Variants in BMAL1 observed in about 807,000 individuals in gnomAD.
BMAL1 encodes basic helix-loop-helix ARNT like 1.
chr11:13,361,509 G>GT, the BMAL1 span, among the ~76,000 whole-genome samples: 12 of 152,178 alleles, frequency 7.9e-5, no homozygotes, highest in Admixed American at 5.9e-4. Context: ...AAGCTCTAGA[G>GT]TAGAGGGTAG....
chr11:13,277,356 G>C, the BMAL1 span, among the ~76,000 whole-genome samples: 7 of 152,306 alleles, frequency 4.6e-5, no homozygotes, highest in African/African-American at 1.7e-4. Flanking sequence ...GGGCGACCCC[G>C]AGGAGCGCGG....
At chr11:13,307,064 G>A in the BMAL1 span, among the ~76,000 whole-genome samples, 1 of 152,242 alleles carries the variant, frequency 6.6e-6, no homozygotes, top group South Asian at 2.1e-4. Flanking sequence ...TTGCAAGGGA[G>A]TGGAGAGTTC....
At chr11:13,294,852 G>T in the BMAL1 span, among the ~76,000 whole-genome samples, 1 of 152,184 alleles carries the variant, frequency 6.6e-6, no homozygotes, top group African/African-American at 2.4e-5. Context: ...GCCGTTTCCA[G>T]TGTTCTCTGT....
the BMAL1 span, among the ~76,000 whole-genome samples, chr11:13,299,427 TG>T: frequency 1.3e-5 from 2 of 151,586 alleles, no homozygotes; most frequent in Non-Finnish European, 2.9e-5. Flanking sequence ...CTTCTGGGGG[TG>T]GCAGAAGGAA....
chr11:13,365,523 C>G, the BMAL1 span: 1 of 1,613,344 alleles, frequency 6.2e-7, no homozygotes, highest in Non-Finnish European at 8.5e-7. Context: ...TTTTGTTTGT[C>G]GTAGGATGTG....
At chr11:13,381,418 T>C in the BMAL1 span, among the ~76,000 whole-genome samples, 2 of 152,134 alleles carry the variant, frequency 1.3e-5, no homozygotes, top group Admixed American at 1.3e-4. Context: ...AGCATACTGG[T>C]AGGGCTAGGG....
the BMAL1 span, among the ~76,000 whole-genome samples, chr11:13,341,549 C>G: frequency 2.0e-5 from 3 of 152,222 alleles, no homozygotes; most frequent in African/African-American, 7.2e-5. Context: ...CTTTCAGGTG[C>G]TCCATCCTAA....
At chr11:13,283,358 G>T in the BMAL1 span, among the ~76,000 whole-genome samples, 1 of 152,172 alleles carries the variant, frequency 6.6e-6, no homozygotes, top group Admixed American at 6.5e-5. Flanking sequence ...TACGATAATA[G>T]CAGCTAACAT....
the BMAL1 span, among the ~76,000 whole-genome samples, chr11:13,316,765 A>C: frequency 6.6e-6 from 1 of 152,208 alleles, no homozygotes; most frequent in Non-Finnish European, 1.5e-5. Context: ...CCAAATGGGG[A>C]AAGTGGATGT....
chr11:13,381,460 C>T, the BMAL1 span, among the ~76,000 whole-genome samples: 4 of 152,144 alleles, frequency 2.6e-5, no homozygotes, highest in African/African-American at 9.7e-5. Context: ...GGCTTTCTTC[C>T]ATGTGAGTGG....
At chr11:13,329,694 G>A in the BMAL1 span, among the ~76,000 whole-genome samples, 1 of 152,138 alleles carries the variant, frequency 6.6e-6, no homozygotes. Flanking sequence ...CCCAGAGGTC[G>A]GGGCAGTTCC....
chr11:13,338,413 A>T, the BMAL1 span, among the ~76,000 whole-genome samples: 1 of 152,214 alleles, frequency 6.6e-6, no homozygotes, highest in Non-Finnish European at 1.5e-5. Context: ...TGCATTTTAG[A>T]AAGGTTTTCA....
chr11:13,317,361 T>C, the BMAL1 span, among the ~76,000 whole-genome samples: 150,551 of 152,286 alleles, frequency 0.99, 74,444 homozygotes, highest in Middle Eastern at 1. Flanking sequence ...TGTCCTTTGT[T>C]GTTTTGTTTT....
the BMAL1 span, chr11:13,357,198 T>C: frequency 6.6e-7 from 1 of 1,521,366 alleles, no homozygotes; most frequent in African/African-American, 1.4e-5. This position sits in a 1 kb window ranked among gnomAD's most constrained non-coding sequence, Gnocchi z 4.8. Flanking sequence ...AGAGTTCTGT[T>C]GGGCACTGTC....
chr11:13,335,454 T>A, the BMAL1 span, among the ~76,000 whole-genome samples: 1 of 152,138 alleles, frequency 6.6e-6, no homozygotes, highest in African/African-American at 2.4e-5. Context: ...ATCGTGGGAA[T>A]GTGTGTGGGT....
chr11:13,378,190 G>A, the BMAL1 span: 2 of 1,174,248 alleles, frequency 1.7e-6, no homozygotes, highest in African/African-American at 1.6e-5. Flanking sequence ...GCCTTTTCCT[G>A]ACAAGCTGTA....
chr11:13,287,748 C>T, the BMAL1 span, among the ~76,000 whole-genome samples: 6 of 152,198 alleles, frequency 3.9e-5, no homozygotes, highest in Non-Finnish European at 8.8e-5. Flanking sequence ...TGATGTTCAT[C>T]TTCTGTTATC....
At chr11:13,382,943 T>C in the BMAL1 span, among the ~76,000 whole-genome samples, 1 of 152,208 alleles carries the variant, frequency 6.6e-6, no homozygotes, top group Admixed American at 6.5e-5. Flanking sequence ...GAGGCACTTA[T>C]GAAAATTCTC....
At chr11:13,382,165 C>T in the BMAL1 span, among the ~76,000 whole-genome samples, 4 of 152,290 alleles carry the variant, frequency 2.6e-5, no homozygotes, top group Admixed American at 2.0e-4. Context: ...GAGTAGAAAT[C>T]CTGCTTCTAC....
Sources: allele counts gnomAD v4.1 joint callset (sites outside exome capture counted in the v4.1 genomes callset), GRCh38; gene constraint gnomAD v4.1.1; non-coding constraint Gnocchi (gnomAD v3.1); transcripts MANE v1.5; gene names NCBI Gene and HGNC (gene_info 2026-07-23, HGNC 2026-07-21).